The following LCMT1 variants were observed in gnomAD, a reference collection of about 807,000 sequenced individuals.
LCMT1 encodes the protein [Phosphatase 2A protein]-leucine-carboxy methyltransferase 1.
LCMT1 carries 32 observed loss-of-function variants against 47.7 expected under a neutral mutation model. The observed-to-expected ratio is 0.67, with a 90% CI of 0.51 to 0.90. LCMT1 has a LOEUF of 0.90. LCMT1 is among the 40% of genes least tolerant of loss of function. The pLI, the probability that LCMT1 is intolerant of heterozygous loss-of-function variation, is 0.00. For synonymous variants in LCMT1, 152 were observed against 149.7 expected, an observed-to-expected ratio of 1.02 and a Z score of -0.11; for missense variants, 375 against 415.2, an observed-to-expected ratio of 0.90 and a Z score of 0.84.
intron 4 of LCMT1, chr16:25,148,671 G>T (rs1046131761): frequency 6.6e-6 from 1 of 152,292 alleles, no homozygotes; most frequent in Non-Finnish European, 1.5e-5. Context: ...GGCAGGAGTG[G>T]TGAGGAGTCT....
chr16:25,163,207 G>A (rs924738728), intron 6 of LCMT1, among the ~76,000 whole-genome samples: 11 of 152,154 alleles, frequency 7.2e-5, no homozygotes, highest in Admixed American at 5.9e-4. Flanking sequence ...GGTGGCTCAC[G>A]CCTGTAATCC....
intron 1 of LCMT1, among the ~76,000 whole-genome samples, chr16:25,119,918 T>C (rs1959914961): frequency 1.3e-5 from 2 of 152,032 alleles, no homozygotes; most frequent in African/African-American, 4.8e-5. Flanking sequence ...CCCAGCACTT[T>C]GGGAGGCTGA....
chr16:25,153,734 C>T (rs893299984), intron 5 of LCMT1, among the ~76,000 whole-genome samples: 3 of 152,100 alleles, frequency 2.0e-5, no homozygotes, highest in Admixed American at 1.3e-4. Flanking sequence ...GGGTGGATCA[C>T]CTGAGGTCAG....
In LCMT1 at chr16:25,178,067, C is replaced by T; in HGVS notation, c.*44C>T. ...CGAGCCAGAAGCCGAAGCCACTTGC[C>T]CTCCTGGAGGAGACCTGCAAGCTCC... On this transcript the variant is annotated 3_prime_UTR_variant, in exon 11 of 11. Coordinates refer to ENST00000399069, the MANE Select transcript of LCMT1 (RefSeq NM_016309.3). 1 of 1,608,354 alleles carries T rather than the reference C, an allele frequency of 6.2e-7. No individual in the cohort carries two copies. The highest frequency in any genetic ancestry group is 8.5e-7 in the Non-Finnish European group (1 of 1,175,660).
intron 1 of LCMT1, among the ~76,000 whole-genome samples, chr16:25,115,170 GT>G (rs1959747501): frequency 1.3e-5 from 2 of 152,004 alleles, no homozygotes. Flanking sequence ...TTTTTTCCAA[GT>G]TGCTTGACCA....
intron 4 of LCMT1, 192 bp downstream of exon 4, chr16:25,140,439 C>T (rs1283222845): frequency 1.7e-6 from 1 of 575,278 alleles, no homozygotes; most frequent in Non-Finnish European, 3.1e-6. Flanking sequence ...ATATACATTT[C>T]CTTATTACAG....
intron 5 of LCMT1, 94 bp downstream of exon 5, chr16:25,151,709 G>GTGTGTGTC: frequency 1.3e-6 from 1 of 780,356 alleles, no homozygotes; most frequent in African/African-American, 1.7e-5. Context: ...GTGTGTGTGT[G>GTGTGTGTC]TGTGTGTGTG....
intron 4 of LCMT1, chr16:25,147,515 A>G (rs949429583): frequency 9.9e-5 from 15 of 152,196 alleles, no homozygotes; most frequent in Admixed American, 5.2e-4. Flanking sequence ...ATAACTTCAT[A>G]AAAGCTTGTA....
At chr16:25,136,657 C>T (rs950396983) in intron 3 of LCMT1, among the ~76,000 whole-genome samples, 3 of 152,050 alleles carry the variant, frequency 2.0e-5, no homozygotes, top group African/African-American at 7.2e-5. Flanking sequence ...TCAAGCGATT[C>T]TCCTGCCTCA....
At chr16:25,150,216 A>G (rs1961030375) in intron 4 of LCMT1, among the ~76,000 whole-genome samples, 1 of 94,308 alleles carries the variant, frequency 1.1e-5, no homozygotes, top group African/African-American at 3.4e-5. Context: ...TTTGCAGATA[A>G]GGAAACTGAG....
chr16:25,118,358 C>G (rs1959863758), intron 1 of LCMT1, among the ~76,000 whole-genome samples: 1 of 152,014 alleles, frequency 6.6e-6, no homozygotes, highest in Non-Finnish European at 1.5e-5. Flanking sequence ...AACGCTTCCT[C>G]CACCCTCCCT....
intron 10 of LCMT1, among the ~76,000 whole-genome samples, chr16:25,175,684 G>C (rs995942425): frequency 5.3e-5 from 8 of 152,028 alleles, no homozygotes; most frequent in African/African-American, 1.2e-4. Flanking sequence ...TCTTGCCTCA[G>C]CTTCCCAAAG....
At chr16:25,166,253 G>A (rs1373036906) in intron 7 of LCMT1, among the ~76,000 whole-genome samples, 2 of 144,826 alleles carry the variant, frequency 1.4e-5, no homozygotes, top group Non-Finnish European at 3.0e-5. Flanking sequence ...CTGAGTGACC[G>A]AGCGAGACGC....
At chr16:25,163,330 G>A (rs1037540185) in intron 6 of LCMT1, among the ~76,000 whole-genome samples, 3 of 152,012 alleles carry the variant, frequency 2.0e-5, no homozygotes, top group Admixed American at 6.6e-5. Context: ...AGGTGGGTCC[G>A]TGGTGGTGTG....
At chr16:25,112,188 T>G (rs1959641788) in intron 1 of LCMT1, among the ~76,000 whole-genome samples, 192 bp downstream of exon 1, 1 of 152,216 alleles carries the variant, frequency 6.6e-6, no homozygotes, top group Non-Finnish European at 1.5e-5. Context: ...GAGCTTTTGC[T>G]GTGAGCCAGG....
intron 5 of LCMT1, among the ~76,000 whole-genome samples, chr16:25,152,275 G>T (rs1234350918): frequency 6.6e-6 from 1 of 152,170 alleles, no homozygotes; most frequent in Non-Finnish European, 1.5e-5. Context: ...TTGCTGTTTA[G>T]CCCTTAGGGA....
At chr16:25,154,585 C>T (rs1434626984) in intron 5 of LCMT1, among the ~76,000 whole-genome samples, 1 of 149,234 alleles carries the variant, frequency 6.7e-6, no homozygotes, top group African/African-American at 2.5e-5. Context: ...CTCCTGGGTT[C>T]ATGCCATTCT....
At chr16:25,153,733 A>C (rs1597591334) in intron 5 of LCMT1, among the ~76,000 whole-genome samples, 1 of 151,866 alleles carries the variant, frequency 6.6e-6, no homozygotes, top group African/African-American at 2.4e-5. Context: ...CGGGTGGATC[A>C]CCTGAGGTCA....
chr16:25,137,741 G>GC (rs34152735), intron 3 of LCMT1, among the ~76,000 whole-genome samples: 46,846 of 152,000 alleles, frequency 0.31, 7,435 homozygotes, highest in East Asian at 0.47. Context: ...ACTGTACTTG[G>GC]CGTCCTTTTT....
Sources: gnomAD v4.1 joint callset for allele counts (sites outside exome capture counted in the v4.1 genomes callset) on GRCh38, gnomAD v4.1.1 for gene constraint, MANE v1.5 for transcripts, NCBI Gene and HGNC (gene_info 2026-07-23, HGNC 2026-07-21) for gene names.